MZT2A: variants seen among roughly 807,000 people sequenced by gnomAD.
MZT2A encodes the protein mitotic spindle organizing protein 2A, also known as mitotic-spindle organizing protein 2A.
MZT2A carries 8 observed loss-of-function variants against 12.4 expected under a neutral mutation model. That is an observed-to-expected ratio of 0.64 (90% CI 0.38 to 1.16). The LOEUF (loss-of-function observed/expected upper bound fraction) is 1.16. Ranked by LOEUF, MZT2A falls within the 50% of genes most tolerant of loss-of-function variation. The pLI is 0.01. For synonymous variants in MZT2A, 88 were observed against 107.5 expected (o/e 0.82, Z 1.12); for missense variants, 181 against 223.6 (o/e 0.81, Z 1.22).
intron 3 of MZT2A, chr2:131,472,039 C>A: frequency 7.8e-7 from 1 of 1,285,318 alleles, no homozygotes; most frequent in Non-Finnish European, 1.0e-6. Context: ...GCCTCTTAAG[C>A]CTTTCTCACC....
intron 2 of MZT2A, chr2:131,491,167 C>A (rs188187454): frequency 1.5e-5 from 8 of 535,440 alleles, no homozygotes; most frequent in African/African-American, 1.3e-4. Context: ...AAGCAACATG[C>A]GGAGAGGATG....
At chr2:131,482,261 A>G (rs1678888757), downstream of MZT2A, among the ~76,000 whole-genome samples, 1 of 152,190 alleles carries the variant, frequency 6.6e-6, no homozygotes, top group Admixed American at 6.5e-5. Flanking sequence ...ATACATTTTC[A>G]GAGGGAAGAC....
downstream of MZT2A, chr2:131,479,363 C>G (rs139338147): frequency 1.2e-6 from 2 of 1,614,118 alleles, no homozygotes; most frequent in African/African-American, 1.3e-5. Flanking sequence ...AGCTGATCAC[C>G]GGGAAGGAAG....
downstream of MZT2A, chr2:131,479,945 G>A: frequency 7.3e-7 from 1 of 1,374,054 alleles, no homozygotes; most frequent in South Asian, 1.5e-5. Flanking sequence ...TGTACTGCAT[G>A]TTTATTATGG....
intron 2 of MZT2A, chr2:131,490,623 C>T: frequency 6.5e-7 from 1 of 1,548,600 alleles, no homozygotes; most frequent in Non-Finnish European, 8.7e-7. Flanking sequence ...GCCCTTGCAG[C>T]TCAAAGCTGC....
upstream of MZT2A, chr2:131,493,249 C>G: frequency 7.4e-7 from 1 of 1,352,408 alleles, no homozygotes; most frequent in South Asian, 1.8e-5. Context: ...CTCGGGCGGC[C>G]CGGCGGCTCT....
upstream of MZT2A, chr2:131,492,682 G>C: frequency 4.8e-6 from 6 of 1,253,624 alleles, no homozygotes; most frequent in Non-Finnish European, 6.1e-6. Context: ...GCAGCACCCA[G>C]CCCAGTGCCA....
chr2:131,492,717 T>C (rs1287717886), upstream of MZT2A: 40 of 1,253,276 alleles, frequency 3.2e-5, no homozygotes, highest in East Asian at 5.6e-5. Flanking sequence ...GCTCAGTCAA[T>C]ACCTGTTTCA....
intron 2 of MZT2A, among the ~76,000 whole-genome samples, chr2:131,477,556 C>T (rs1380258319): frequency 1.4e-5 from 2 of 142,882 alleles, no homozygotes; most frequent in Non-Finnish European, 3.0e-5. Flanking sequence ...AGTACCCTGG[C>T]ACTGCTTTCT....
intron 2 of MZT2A, 53 bp from the exon 3 acceptor site, chr2:131,484,271 G>A: frequency 1.3e-6 from 2 of 1,593,394 alleles, no homozygotes; most frequent in East Asian, 4.5e-5. Context: ...CATAAATGCA[G>A]CACCTGCTGT....
chr2:131,482,760 G>T (rs750027658), downstream of MZT2A: 33 of 1,614,056 alleles, frequency 2.0e-5, no homozygotes, highest in African/African-American at 1.3e-4. Flanking sequence ...TCTGAGGCCC[G>T]CGAGGACCTG....
chr2:131,476,273 C>A, intron 2 of MZT2A: 3 of 1,611,084 alleles, frequency 1.9e-6, no homozygotes, highest in Non-Finnish European at 2.5e-6. Context: ...GACAGAGGGA[C>A]GTTGTTGCGG....
In MZT2A at chr2:131,478,195, C is replaced by T. The variant is rs772419712; in HGVS notation, c.279-6013G>A. 4.3e-5 allele frequency: 70 copies of T among 1,613,800 alleles called. No individual in the cohort carries two copies. Among genetic ancestry groups the T allele is most frequent in the African/African-American group, 1.1e-4 (8 of 74,942 alleles). ...TGTATCTCTATCCACGTGGGGCAGG[C>T]GGGTGTCCAGATCGGCAATGCCTGC... On this transcript the variant is annotated intron_variant and NMD_transcript_variant, in intron 2 of 4. Transcript: ENST00000427024.
chr2:131,475,945 G>A, intron 2 of MZT2A: 2 of 640,674 alleles, frequency 3.1e-6, no homozygotes, highest in Non-Finnish European at 5.1e-6. Context: ...AGCCTTTGAT[G>A]ACCCCCGCTG....
chr2:131,482,247 C>T (rs1192467943), downstream of MZT2A, among the ~76,000 whole-genome samples: 2 of 152,184 alleles, frequency 1.3e-5, no homozygotes, highest in Non-Finnish European at 2.9e-5. Context: ...AGAAGACAAG[C>T]AGCATACATT....
At chr2:131,479,667 CTA>C (rs769463171), downstream of MZT2A, among the ~76,000 whole-genome samples, 20 of 152,154 alleles carry the variant, frequency 1.3e-4, no homozygotes, top group Non-Finnish European at 2.8e-4. Context: ...TGGTGAAACT[CTA>C]TGTCTACTAA....
At chr2:131,493,084 G>A (rs1441145583), upstream of MZT2A, 65 of 1,495,010 alleles carry the variant, frequency 4.3e-5, no homozygotes, top group Admixed American at 9.2e-5. Context: ...ACGTTTTGGC[G>A]CGGTGGCGGA....
chr2:131,472,408 C>T (rs1473666418), intron 2 of MZT2A, among the ~76,000 whole-genome samples: 2 of 152,152 alleles, frequency 1.3e-5, no homozygotes, highest in Non-Finnish European at 2.9e-5. Flanking sequence ...ATGGGCATGT[C>T]CAAGGCTCAA....
chr2:131,473,908 G>C (rs1294411328), intron 2 of MZT2A, among the ~76,000 whole-genome samples: 1 of 142,904 alleles, frequency 7.0e-6, no homozygotes, highest in Non-Finnish European at 1.5e-5. Context: ...ACAGCACTTT[G>C]AGTTATGCGA....
Sources: allele counts gnomAD v4.1 joint callset (sites outside exome capture counted in the v4.1 genomes callset), GRCh38; gene constraint gnomAD v4.1.1; transcripts MANE v1.5; gene names NCBI Gene and HGNC (gene_info 2026-07-23, HGNC 2026-07-21).